RNLS: variants seen among roughly 807,000 people sequenced by gnomAD.
RNLS encodes renalase, FAD dependent amine oxidase.
RNLS carries 39 observed loss-of-function variants against 39.8 expected under a neutral mutation model. The ratio of observed to expected loss-of-function variants is 0.98; its 90% CI spans 0.76 to 1.28. The LOEUF is 1.28. Among genes scored for constraint, RNLS ranks in the 50% most tolerant of loss-of-function variants. The probability of loss-of-function intolerance (pLI) is 0.00; values close to 1 mark genes in which losing one functional copy is unlikely to be tolerated. For synonymous variants in RNLS, 147 were observed against 150.7 expected (o/e 0.98, Z 0.18); for missense variants, 410 against 413.3 (o/e 0.99, Z 0.07).
chr10:88,196,578 G>C, the RNLS span, among the ~76,000 whole-genome samples: 4,669 of 152,224 alleles, frequency 0.031, 85 homozygotes, highest in Non-Finnish European at 0.05. Flanking sequence ...TCTGCACTTG[G>C]ACTATAAGAG....
intron 4 of RNLS, among the ~76,000 whole-genome samples, chr10:88,440,951 T>C (rs965476172): frequency 6.6e-5 from 10 of 152,196 alleles, no homozygotes; most frequent in African/African-American, 1.9e-4. Context: ...GAATCATCAG[T>C]GTACACGATC....
At chr10:88,351,848 C>A (rs1186116605) in intron 5 of RNLS, among the ~76,000 whole-genome samples, 1 of 152,142 alleles carries the variant, frequency 6.6e-6, no homozygotes, top group Non-Finnish European at 1.5e-5. Context: ...ATGGAATGTT[C>A]TTCCATTTGT....
intron 4 of RNLS, among the ~76,000 whole-genome samples, chr10:88,434,594 C>T (rs1382387235): frequency 6.6e-6 from 1 of 152,066 alleles, no homozygotes; most frequent in Non-Finnish European, 1.5e-5. Context: ...GGATAACAGT[C>T]ATGGTATTAT....
At chr10:88,494,218 T>C (rs1845043681) in intron 4 of RNLS, among the ~76,000 whole-genome samples, 1 of 152,132 alleles carries the variant, frequency 6.6e-6, no homozygotes, top group Admixed American at 6.6e-5. Context: ...AATAGGAAGT[T>C]ACACGGAAAA....
chr10:88,473,425 A>AAC (rs112846794), intron 4 of RNLS, among the ~76,000 whole-genome samples: 1,523 of 150,564 alleles, frequency 0.01, 22 homozygotes, highest in African/African-American at 0.031. Context: ...TGGGTAGTAA[A>AAC]ACACACACAC....
intron 3 of RNLS, among the ~76,000 whole-genome samples, chr10:88,573,437 ATAACCATCTGACTC>A (rs1849973744): frequency 6.6e-6 from 1 of 152,242 alleles, no homozygotes; most frequent in African/African-American, 2.4e-5. Context: ...ATTTAAAACT[ATAACCATCTGACTC>A]TAAAGCTCAT....
chr10:88,397,510 T>C (rs1312919935), intron 4 of RNLS, among the ~76,000 whole-genome samples: 1 of 151,690 alleles, frequency 6.6e-6, no homozygotes. Flanking sequence ...ATGCTTATAT[T>C]AAAAGAAAGA....
chr10:88,217,792 A>C, the RNLS span, among the ~76,000 whole-genome samples: 1 of 148,298 alleles, frequency 6.7e-6, no homozygotes, highest in South Asian at 2.2e-4. Context: ...GTAATCCCAG[A>C]ACTTTGGGAG....
At chr10:88,203,223 AGTGTGTGTGTGTGTGTGTGT>A in the RNLS span, among the ~76,000 whole-genome samples, 3 of 11,244 alleles carry the variant, frequency 2.7e-4, no homozygotes, top group Admixed American at 8.4e-4. Context: ...GATAGCAAAA[AGTGTGTGTGTGTGTGTGTGT>A]GTGTGTGTGT....
chr10:88,195,261 A>T, the RNLS span, among the ~76,000 whole-genome samples: 2 of 152,226 alleles, frequency 1.3e-5, no homozygotes, highest in Non-Finnish European at 2.9e-5. Flanking sequence ...ATTGCTTCTA[A>T]ATTAGTTACC....
In RNLS at chr10:88,441,451, T is replaced by C. The variant is rs140501015; in HGVS notation, c.527-78726A>G. ...TTCTCAGGATAAAACAAATTGATACTGAAAGGCACATTACTTATGAGTCTG... is the reference window on the plus strand; with the variant it reads ...TTCTCAGGATAAAACAAATTGATACCGAAAGGCACATTACTTATGAGTCTG... On this transcript the variant is annotated intron_variant, in intron 4 of 6. Coordinates refer to ENST00000331772, the MANE Select transcript of RNLS (RefSeq NM_001031709.3). 9.4e-3 allele frequency among the ~76,000 whole-genome samples: 1,426 copies of C among 152,354 alleles called. 10 individuals carry two copies. Among genetic ancestry groups the C allele is most frequent in the Middle Eastern group, 0.02 (6 of 294 alleles).
At chr10:88,314,781 C>A in intron 5 of RNLS, 140 bp from the exon 6 acceptor site, 7 of 663,438 alleles carry the variant, frequency 1.1e-5, no homozygotes, top group Non-Finnish European at 1.4e-5. Flanking sequence ...ATCTCTAAAG[C>A]ATAAATTAGG....
chr10:88,179,117 T>A, the RNLS span, among the ~76,000 whole-genome samples: 1 of 152,096 alleles, frequency 6.6e-6, no homozygotes, highest in African/African-American at 2.4e-5. Context: ...GTAAACACAA[T>A]AAATAAATTA....
At chr10:88,426,313 G>A (rs1356019556) in intron 4 of RNLS, among the ~76,000 whole-genome samples, 1 of 152,046 alleles carries the variant, frequency 6.6e-6, no homozygotes, top group Non-Finnish European at 1.5e-5. Flanking sequence ...TGAATAGTGG[G>A]AAACACAGAA....
intron 4 of RNLS, among the ~76,000 whole-genome samples, chr10:88,516,070 A>G (rs1025911639): frequency 6.6e-6 from 1 of 152,060 alleles, no homozygotes; most frequent in Non-Finnish European, 1.5e-5. Context: ...TGCAAGCCAC[A>G]GAGAGAAGCC....
chr10:88,528,746 A>G (rs1847252423), intron 4 of RNLS, among the ~76,000 whole-genome samples: 2 of 151,880 alleles, frequency 1.3e-5, no homozygotes, highest in South Asian at 4.2e-4. Flanking sequence ...CCAGCTACTC[A>G]GGAGGTTAAG....
At chr10:88,243,485 C>T in the RNLS span, among the ~76,000 whole-genome samples, 1 of 152,144 alleles carries the variant, frequency 6.6e-6, no homozygotes, top group Non-Finnish European at 1.5e-5. Context: ...TTTTTGTGAA[C>T]CCTTTTTGCA....
At chr10:88,394,331 T>C (rs930552283) in intron 4 of RNLS, among the ~76,000 whole-genome samples, 4 of 151,870 alleles carry the variant, frequency 2.6e-5, no homozygotes, top group Admixed American at 1.3e-4. Context: ...TACAATGAAC[T>C]CAAACGAATT....
At chr10:88,427,694 T>C (rs773229883) in intron 4 of RNLS, among the ~76,000 whole-genome samples, 50 of 151,950 alleles carry the variant, frequency 3.3e-4, no homozygotes, top group African/African-American at 1.0e-3. Context: ...AACAACTCCA[T>C]AGAACAGAGA....
Sources: gnomAD v4.1 joint callset for allele counts (sites outside exome capture counted in the v4.1 genomes callset) on GRCh38, gnomAD v4.1.1 for gene constraint, MANE v1.5 for transcripts, NCBI Gene and HGNC (gene_info 2026-07-23, HGNC 2026-07-21) for gene names.